Variants in PLEC observed in about 807,000 individuals in gnomAD.
PLEC encodes hemidesmosomal protein 1.
In PLEC, 216 loss-of-function variants were observed where a neutral mutation model predicts 392.8. The observed-to-expected ratio is 0.55, with a 90% confidence interval of 0.49 to 0.62. PLEC has a LOEUF of 0.62. Ranked by LOEUF, PLEC falls within the 20% of genes least tolerant of loss-of-function variation. The probability of loss-of-function intolerance (pLI) is 0.00; values close to 1 mark genes in which losing one functional copy is unlikely to be tolerated. For synonymous variants in PLEC, 3,621 were observed against 2,980.6 expected (o/e 1.21, Z -7.00); for missense variants, 6,863 against 6,563.4 (o/e 1.05, Z -1.58).
chr8:143,923,748 T>C lies in PLEC; in HGVS notation c.6181A>G (p.Lys2061Glu), dbSNP rs782134018. 5 of 1,551,258 alleles carry C rather than the reference T, an allele frequency of 3.2e-6. No individual in the cohort carries two copies. The South Asian group carries it at 5.8e-5, about 18-fold the overall frequency. The change falls in exon 31 of 32, where the codon AAG becomes GAG. Residue 2061 changes from lysine (K) to glutamate (E), a missense_variant. Lys to Glu is a moderately conservative substitution (Grantham distance 56). Coordinates refer to ENST00000345136, the MANE Select transcript of PLEC (RefSeq NM_201384.3). Reference sequence around the variant, plus strand: ...AGCGTCTGCTGTAGCTCCTGCTCCTTCTGCTGCACCGCGAAGGCGTGTGCC... The same window carrying C: ...AGCGTCTGCTGTAGCTCCTGCTCCTCCTGCTGCACCGCGAAGGCGTGTGCC... Reference protein sequence around the residue: ...EKAHAFAVQQKEQELQQTLQQ... With the variant: ...EKAHAFAVQQEEQELQQTLQQ...
intron 1 of PLEC, among the ~76,000 whole-genome samples, chr8:143,939,134 C>G (rs1554726316): frequency 6.6e-6 from 1 of 152,230 alleles, no homozygotes; most frequent in Non-Finnish European, 1.5e-5. Context: ...GAGTTCCTCG[C>G]CCTTCCAGGC....
rs782559387 is a variant in PLEC at position 143,919,146 on chromosome 8, T to C, written c.10675A>G (p.Thr3559Ala). 9 of 1,613,364 alleles carry C rather than the reference T, an allele frequency of 5.6e-6. No homozygotes were observed. Among genetic ancestry groups the C allele is most frequent in the Admixed American group, 3.3e-5 (2 of 60,008 alleles). ...AEVVETTQVY[T>A]EEETRRAFEE... Reference sequence around the variant, plus strand: ...AATGCCCTTCTTGTCTCCTCCTCAGTGTACACCTGCGTGGTCTCCACCACC... The same window carrying C: ...AATGCCCTTCTTGTCTCCTCCTCAGCGTACACCTGCGTGGTCTCCACCACC... Residue 3559 changes from threonine to alanine, a missense_variant, in exon 32 of 32, where the codon ACT becomes GCT. Thr to Ala is a moderately conservative substitution (Grantham distance 58, BLOSUM62 0). Coordinates refer to ENST00000345136, the MANE Select transcript of PLEC (RefSeq NM_201384.3).
At chr8:143,960,426 G>C (rs1427687631) in intron 1 of PLEC, among the ~76,000 whole-genome samples, 3 of 151,900 alleles carry the variant, frequency 2.0e-5, no homozygotes, top group African/African-American at 4.8e-5. Flanking sequence ...AGACCAGCCT[G>C]GCCAACAAGG....
In PLEC at chr8:143,921,322, G is replaced by A; in HGVS notation, c.8499C>T (p.Gly2833=). The A allele has an allele frequency of 1.2e-6, 2 of 1,613,932 alleles. No homozygotes were observed. The highest frequency in any genetic ancestry group is 1.7e-6 in the Non-Finnish European group (2 of 1,180,010). The change falls in exon 32 of 32, where the codon GGC becomes GGT. Residue 2833 remains glycine (G), a synonymous_variant. Transcript: ENST00000345136. The part of the protein sequence containing the change: ...RVPVDVAYRR[G]YFDEEMNRVL... ...CGCGGTTCATCTCCTCGTCGAAGTA[G>A]CCGCGCCGGTAGGCCACGTCCACGG...
In PLEC at chr8:143,973,479, G is replaced by A. The variant is rs1833540076; in HGVS notation, c.-7C>T. On this transcript the variant is annotated 5_prime_UTR_variant, in exon 1 of 32. Transcript: ENST00000356346. This position sits in a 1 kb window ranked among gnomAD's most constrained non-coding sequence, Gnocchi z 5.6. The stretch of plus-strand genomic sequence containing the variant: ...CGGGCAGCGGGCCGGCCATGCCGGC[G>A]GGCGCGGGGCGCGGGGTGCAGCGGA... 3 of 1,504,616 alleles carry A rather than the reference G, an allele frequency of 2.0e-6. No individual in the cohort carries two copies. In the African/African-American group the frequency reaches 4.4e-5, roughly 22 times the overall value. 93.2% of individuals were successfully genotyped at this position (1,504,616 alleles called of 1,614,324 possible).
At chr8:143,930,578 C>T in intron 19 of PLEC, 42 bp from the exon 20 acceptor site, 1 of 1,555,508 alleles carries the variant, frequency 6.4e-7, no homozygotes, top group Non-Finnish European at 8.7e-7. Flanking sequence ...CCATGGAGAC[C>T]CACAGGCCTG....
chr8:143,950,213 C>T (rs1554734916), exon 1 of PLEC: 1 of 1,548,362 alleles, frequency 6.5e-7, no homozygotes, highest in East Asian at 2.4e-5. Flanking sequence ...CGGGCCTGGC[C>T]TGGCCAGGGT....
upstream of PLEC, among the ~76,000 whole-genome samples, chr8:143,952,232 G>A (rs1269197500): frequency 6.6e-6 from 1 of 151,650 alleles, no homozygotes; most frequent in African/African-American, 2.4e-5. Flanking sequence ...GCACGCGCAC[G>A]CGCACGCCTG....
At chr8:143,939,629 TC>T (rs1350929187), upstream of PLEC, 2 of 1,428,580 alleles carry the variant, frequency 1.4e-6, no homozygotes, top group Non-Finnish European at 1.8e-6. Flanking sequence ...CCTGCTGTAC[TC>T]CCCGGCGAGG....
rs138961280 is a variant in PLEC at position 143,922,488 on chromosome 8, G to A, written c.7425+16C>T. On this transcript the variant is annotated intron_variant, in intron 31 of 31. Coordinates refer to ENST00000345136, the MANE Select transcript of PLEC (RefSeq NM_201384.3). ...CCCCGGGCCCACCCGCCCGTCGCAC[G>A]TAGAGGGGGCGGTACCTCCTCAGAC... The A allele has an allele frequency of 2.8e-4, 444 of 1,605,746 alleles. 3 individuals are homozygous for A. The African/African-American group carries it at 4.7e-3, about 17-fold the overall frequency.
Position 143,920,065 on chromosome 8 carries a change from C to A in PLEC, c.9756G>T (p.Thr3252=). 1 of 1,613,288 alleles carries A rather than the reference C, an allele frequency of 6.2e-7. No individual in the cohort carries two copies. Among genetic ancestry groups the A allele is most frequent in the South Asian group, 1.1e-5 (1 of 91,092 alleles). ...PVGGFKGRTV[T]VWELISSEYF... ...ACTCAGAGCTGATGAGCTCCCACAC[C>A]GTCACCGTCCTGCCCTTGAAGCCAC... The change falls in exon 32 of 32, where the codon ACG becomes ACT. Residue 3252 remains threonine (T), a synonymous_variant. Coordinates refer to ENST00000345136, the MANE Select transcript of PLEC (RefSeq NM_201384.3).
chr8:143,949,163 C>T (rs1554733871), intron 1 of PLEC, among the ~76,000 whole-genome samples: 2 of 152,230 alleles, frequency 1.3e-5, no homozygotes, highest in East Asian at 1.9e-4. Context: ...CGGGCAGCTG[C>T]GCCCTAAACT....
intron 6 of PLEC, 42 bp downstream of exon 6, chr8:143,935,806 G>A (rs886802547): frequency 6.2e-7 from 1 of 1,600,448 alleles, no homozygotes; most frequent in African/African-American, 1.3e-5. Context: ...GCGCTGTGGG[G>A]GTGCCCCCAG....
At position 143,934,311 on chromosome 8, in the gene PLEC, C is replaced by T. The variant is rs782387850; in HGVS notation, c.1169+7G>A. On this transcript the variant is annotated splice_region_variant and intron_variant, in intron 11 of 31. Coordinates refer to ENST00000345136, the MANE Select transcript of PLEC (RefSeq NM_201384.3). The stretch of plus-strand genomic sequence containing the variant: ...TGGTTCCCCTGCCACCACAGGGCCC[C>T]ACCCACCTCTCAAACTCGCTGCGGA... The T allele has an allele frequency of 1.2e-6, 2 of 1,611,800 alleles. No individual in the cohort carries two copies. Among genetic ancestry groups the T allele is most frequent in the Admixed American group, 1.7e-5 (1 of 60,024 alleles).
chr8:143,923,996 T>A lies in PLEC; in HGVS notation c.5933A>T (p.Glu1978Val), dbSNP rs782017511. ...AGCCTCACGGCGCCGCCGCTCCTCC[T>A]CCGCCGCCAGCTGCCGCTGCCTCGC... is the stretch of plus-strand genomic sequence containing the variant. ...EAARQRQLAA[E>V]EERRRREAEE... The change falls in exon 31 of 32, where the codon GAG (glutamate) becomes GTG (valine). Residue 1978 changes from glutamate (E) to valine (V), a missense_variant. Glu to Val is a moderately radical substitution (Grantham distance 121, BLOSUM62 -2). Transcript: ENST00000345136. 1 of 1,585,428 alleles carries A rather than the reference T, an allele frequency of 6.3e-7. No homozygotes were observed. Among genetic ancestry groups the A allele is most frequent in the Non-Finnish European group, 8.5e-7 (1 of 1,171,634 alleles).
rs374203605 is a variant in PLEC, at chr8:143,925,839, C to T, written c.4090G>A (p.Glu1364Lys). 10 of 1,551,200 alleles carry T rather than the reference C, an allele frequency of 6.4e-6. No homozygotes were observed. Among genetic ancestry groups the T allele is most frequent in the South Asian group, 3.5e-5 (3 of 86,062 alleles). ...QRAEERERLA[E>K]VEAALEKQRQ... ...TGCTTCTCCAGCGCGGCCTCCACCT[C>T]GGCCAGCCGCTCGCGCTCCTCTGCC... The change falls in exon 31 of 32, where the codon GAG becomes AAG. Residue 1364 changes from glutamate (E) to lysine (K), a missense_variant. By Grantham distance (56) the Glu-to-Lys change is moderately conservative. Coordinates refer to ENST00000345136, the MANE Select transcript of PLEC (RefSeq NM_201384.3).
At position 143,918,331 on chromosome 8, in the gene PLEC, G is replaced by T. The variant is rs895420790; in HGVS notation, c.11490C>A (p.Asn3830Lys). ...LEVAYQRGYL[N>K]KDTHDQLSEP... The stretch of plus-strand genomic sequence containing the variant: ...CTGACAGCTGGTCGTGCGTGTCCTT[G>T]TTGAGGTAGCCACGCTGGTAAGCCA... The change falls in exon 32 of 32, where the codon AAC becomes AAA. Residue 3830 changes from asparagine to lysine, a missense_variant. Physicochemically the swap from Asn to Lys is moderately conservative, Grantham distance 94 (BLOSUM62 0). Coordinates refer to ENST00000345136, the MANE Select transcript of PLEC (RefSeq NM_201384.3). 1.9e-6 allele frequency: 3 copies of T among 1,586,428 alleles called. No homozygotes were observed. Among genetic ancestry groups the T allele is most frequent in the Non-Finnish European group, 2.6e-6 (3 of 1,173,446 alleles).
At chr8:143,964,021 C>T (rs1255290326) in intron 1 of PLEC, among the ~76,000 whole-genome samples, 1 of 152,066 alleles carries the variant, frequency 6.6e-6, no homozygotes, top group Non-Finnish European at 1.5e-5. Context: ...CCATGTTGGC[C>T]AGGCTGGTCT....
chr8:143,919,391 G>A lies in PLEC; in HGVS notation c.10430C>T (p.Pro3477Leu). 1 of 1,613,650 alleles carries A rather than the reference G, an allele frequency of 6.2e-7. No individual in the cohort carries two copies. Among genetic ancestry groups the A allele is most frequent in the Non-Finnish European group, 8.5e-7 (1 of 1,179,996 alleles). ...CACAGGCACGCGGTGGCTGTGCACG[G>A]GGTCGATGATGCCGCCCGTGGCGAT... The part of the protein sequence containing the change: ...AQIATGGIID[P>L]VHSHRVPVDV... Residue 3477 changes from proline to leucine, a missense_variant, in exon 32 of 32, where the codon CCC becomes CTC. Pro to Leu is a moderately conservative substitution (Grantham distance 98). Transcript: ENST00000345136.
Sources: allele counts gnomAD v4.1 joint callset (sites outside exome capture counted in the v4.1 genomes callset), GRCh38; gene constraint gnomAD v4.1.1; non-coding constraint Gnocchi (gnomAD v3.1); transcripts MANE v1.5; gene names NCBI Gene and HGNC (gene_info 2026-07-23, HGNC 2026-07-21).